CMSS1: variants seen among roughly 807,000 people sequenced by gnomAD.
CMSS1 encodes the protein protein CMSS1.
CMSS1 carries 33 observed loss-of-function variants against 43.5 expected under a neutral mutation model. The observed-to-expected ratio is 0.76, with a 90% CI of 0.57 to 1.01. The LOEUF (loss-of-function observed/expected upper bound fraction) is 1.01. Ranked by LOEUF, CMSS1 falls within the 50% of genes least tolerant of loss-of-function variation. CMSS1 has a pLI of 0.00. For synonymous variants in CMSS1, 115 were observed against 117.2 expected, an observed-to-expected ratio of 0.98 and a Z score of 0.12; for missense variants, 313 against 326.4, an observed-to-expected ratio of 0.96 and a Z score of 0.32.
chr3:99,999,616 C>T (rs1054436424), intron 1 of CMSS1, among the ~76,000 whole-genome samples: 4 of 152,104 alleles, frequency 2.6e-5, no homozygotes, highest in African/African-American at 7.2e-5. Context: ...GAGAGGATCT[C>T]GGGATATAGG....
chr3:99,859,240 ATG>A (rs1276120813), intron 1 of CMSS1, among the ~76,000 whole-genome samples: 6 of 152,234 alleles, frequency 3.9e-5, no homozygotes, highest in Non-Finnish European at 8.8e-5. Context: ...GACAGCTACT[ATG>A]TGCAAGGCAC....
intron 1 of CMSS1, among the ~76,000 whole-genome samples, chr3:100,146,320 G>T (rs1028494193): frequency 1.3e-5 from 2 of 152,140 alleles, no homozygotes; most frequent in African/African-American, 2.4e-5. Flanking sequence ...AATTTCTCAT[G>T]ACCTGTAATC....
At chr3:99,851,025 C>A in intron 1 of CMSS1, 3 of 1,609,588 alleles carry the variant, frequency 1.9e-6, no homozygotes, top group Non-Finnish European at 2.5e-6. Flanking sequence ...TTTCTTGCTC[C>A]TTCTCCTCCT....
intron 1 of CMSS1, among the ~76,000 whole-genome samples, chr3:99,993,033 T>C (rs1177202392): frequency 1.3e-5 from 2 of 152,144 alleles, no homozygotes; most frequent in South Asian, 4.1e-4. Context: ...GTAACTGTTG[T>C]TATACCAGTG....
intron 2 of CMSS1, among the ~76,000 whole-genome samples, chr3:100,149,743 C>T (rs1335178138): frequency 1.3e-5 from 2 of 152,180 alleles, no homozygotes; most frequent in Non-Finnish European, 1.5e-5. Flanking sequence ...TGCGTCTCCA[C>T]AGCGCCTGAC....
chr3:100,063,383 T>G (rs2291495), intron 1 of CMSS1, among the ~76,000 whole-genome samples: 28,111 of 152,146 alleles, frequency 0.18, 2,930 homozygotes, highest in South Asian at 0.25. Flanking sequence ...ACTATATATC[T>G]GAATTATTGT....
chr3:100,173,904 T>C (rs1225046567), intron 8 of CMSS1, among the ~76,000 whole-genome samples: 1 of 152,194 alleles, frequency 6.6e-6, no homozygotes, highest in Non-Finnish European at 1.5e-5. Flanking sequence ...TCTCAGCCTG[T>C]TTCTTTGTGC....
At chr3:100,082,013 A>G (rs953700574) in intron 1 of CMSS1, among the ~76,000 whole-genome samples, 1 of 152,154 alleles carries the variant, frequency 6.6e-6, no homozygotes, top group African/African-American at 2.4e-5. Context: ...CTGAGGAAAA[A>G]CTGTTCCAGT....
At chr3:99,883,643 T>G (rs571133316) in intron 1 of CMSS1, among the ~76,000 whole-genome samples, 1 of 152,326 alleles carries the variant, frequency 6.6e-6, no homozygotes, top group Admixed American at 6.5e-5. Context: ...CCAAATGTTG[T>G]CATCATGTAC....
rs191703159 is a variant in CMSS1, at chr3:100,103,119, A to T, written c.65-43854A>T. ...GTGAAATACCTTCCCTGACTTTTGT[A>T]TATTCCTGTTCACCCTGTGATTGTA... On this transcript the variant is annotated intron_variant, in intron 1 of 9. Coordinates refer to ENST00000421999, the MANE Select transcript of CMSS1 (RefSeq NM_032359.4). Among the ~76,000 whole-genome samples, 13 of 152,332 alleles carry T rather than the reference A, an allele frequency of 8.5e-5. 1 individual carries two copies. In the South Asian group the frequency reaches 2.1e-3, roughly 24 times the overall value.
At chr3:100,132,833 A>AG in intron 1 of CMSS1, among the ~76,000 whole-genome samples, 1 of 151,566 alleles carries the variant, frequency 6.6e-6, no homozygotes, top group African/African-American at 2.4e-5. Context: ...AAAAAAAAAA[A>AG]AAAAAAAGAA....
At chr3:100,020,760 C>CTTTTTT (rs34665880) in intron 1 of CMSS1, among the ~76,000 whole-genome samples, 34 of 71,016 alleles carry the variant, frequency 4.8e-4, no homozygotes, top group African/African-American at 7.0e-4. Context: ...GAATAATTAG[C>CTTTTTT]TTTTTTTTTT....
chr3:99,866,786 G>C (rs1944543181), intron 1 of CMSS1, among the ~76,000 whole-genome samples: 1 of 152,134 alleles, frequency 6.6e-6, no homozygotes, highest in Non-Finnish European at 1.5e-5. Flanking sequence ...TGCAAAGTGA[G>C]AGTTTGGGCC....
intron 1 of CMSS1, among the ~76,000 whole-genome samples, chr3:99,892,466 T>C (rs188378023): frequency 1.3e-5 from 2 of 152,344 alleles, no homozygotes; most frequent in East Asian, 3.9e-4. Flanking sequence ...TAGTGAAATA[T>C]GTCACCACAC....
intron 1 of CMSS1, among the ~76,000 whole-genome samples, chr3:99,977,710 A>T (rs1457358026): frequency 6.6e-6 from 1 of 152,224 alleles, no homozygotes; most frequent in African/African-American, 2.4e-5. Flanking sequence ...CAGAAAAATA[A>T]GAGAATGGAA....
intron 1 of CMSS1, among the ~76,000 whole-genome samples, chr3:100,007,542 T>C (rs1710022730): frequency 6.6e-6 from 1 of 152,216 alleles, no homozygotes; most frequent in East Asian, 1.9e-4. Flanking sequence ...CGTTATGTAA[T>C]GAAGAAGAGA....
intron 1 of CMSS1, among the ~76,000 whole-genome samples, chr3:99,982,002 T>C (rs1453877793): frequency 6.6e-6 from 1 of 152,216 alleles, no homozygotes; most frequent in Non-Finnish European, 1.5e-5. Context: ...CATAATCACT[T>C]TTCTATTTTA....
At chr3:100,107,393 C>A (rs1345550334) in intron 1 of CMSS1, among the ~76,000 whole-genome samples, 2 of 152,128 alleles carry the variant, frequency 1.3e-5, no homozygotes, top group Non-Finnish European at 2.9e-5. Flanking sequence ...ATAGCCTCTT[C>A]TGACACTTTG....
chr3:100,086,582 C>CA (rs2066013195), intron 1 of CMSS1, among the ~76,000 whole-genome samples: 2 of 152,124 alleles, frequency 1.3e-5, no homozygotes, highest in Non-Finnish European at 2.9e-5. Context: ...GTATTTATTA[C>CA]CCACCAGGCT....
Sources: allele counts gnomAD v4.1 joint callset (sites outside exome capture counted in the v4.1 genomes callset), GRCh38; gene constraint gnomAD v4.1.1; transcripts MANE v1.5; gene names NCBI Gene and HGNC (gene_info 2026-07-23, HGNC 2026-07-21).